TRIP12: variants seen among roughly 807,000 people sequenced by gnomAD.
TRIP12 encodes thyroid hormone receptor interactor 12, also known as E3 ubiquitin-protein ligase TRIP12.
A neutral mutation model predicts 244.2 loss-of-function variants in TRIP12; 25 were observed. That is an observed-to-expected ratio of 0.10 (90% CI 0.07 to 0.14). The LOEUF (loss-of-function observed/expected upper bound fraction) is 0.14, where lower values mean the gene tolerates loss of function less well. Ranked by LOEUF, TRIP12 falls within the 10% of genes least tolerant of loss-of-function variation. TRIP12 has a pLI of 1.00. For synonymous variants in TRIP12, 905 were observed against 873.1 expected (o/e 1.04, Z -0.64); for missense variants, 1,677 against 2,486.4 (o/e 0.67, Z 6.92).
chr2:229,860,410 T>C lies in TRIP12; in HGVS notation c.220A>G (p.Lys74Glu). Residue 74 changes from lysine (K) to glutamate (E), a missense_variant, in exon 3 of 42, where the codon AAA becomes GAA. Lys to Glu is a moderately conservative substitution (Grantham distance 56). Around this residue, in one of 11 missense-constraint regions of TRIP12, gnomAD observed 387 missense variants for 392.6 expected, o/e 0.99. Coordinates refer to ENST00000675903, the MANE Select transcript of TRIP12 (RefSeq NM_001348323.3). ...TSELSRGHLS[K>E]RSCSSSSAVI... ...ATAAGCAACATGAAGATTTACCTTT[T>C]AGAAAGGTGTCCCCTTGACAGTTCA... 2 of 1,592,714 alleles carry C rather than the reference T, an allele frequency of 1.3e-6. No homozygotes were observed. The highest frequency in any genetic ancestry group is 1.7e-6 in the Non-Finnish European group (2 of 1,170,896).
chr2:229,919,876 A>G lies in TRIP12; in HGVS notation c.-50+2004T>C, dbSNP rs184483946. Reference sequence around the variant, plus strand: ...CTCCCTCAATCTCACAAAGATAGTCACAGCAGTTCAACATTTCTGGGGCTG... The same window carrying G: ...CTCCCTCAATCTCACAAAGATAGTCGCAGCAGTTCAACATTTCTGGGGCTG... On this transcript the variant is annotated intron_variant, in intron 1 of 41. Coordinates refer to ENST00000675903, the MANE Select transcript of TRIP12 (RefSeq NM_001348323.3). Among the ~76,000 whole-genome samples the G allele has an allele frequency of 1.3e-3, 205 of 152,366 alleles. 2 individuals carry two copies. Among genetic ancestry groups the G allele is most frequent in the Admixed American group, 2.7e-3 (41 of 15,302 alleles).
intron 1 of TRIP12, among the ~76,000 whole-genome samples, chr2:229,891,728 C>T (rs1261003134): frequency 6.6e-5 from 10 of 152,212 alleles, no homozygotes; most frequent in African/African-American, 2.4e-5. Context: ...GGTATCATTA[C>T]GTATCATCTT....
intron 25 of TRIP12, 88 bp from the exon 26 acceptor site, chr2:229,795,418 A>C: frequency 7.0e-7 from 1 of 1,424,868 alleles, no homozygotes; most frequent in South Asian, 1.4e-5. Context: ...GCAGCTTTAT[A>C]AAAGAGAATA....
At chr2:229,828,920 C>A (rs1241089717) in intron 8 of TRIP12, among the ~76,000 whole-genome samples, 1 of 152,164 alleles carries the variant, frequency 6.6e-6, no homozygotes, top group Non-Finnish European at 1.5e-5. Context: ...AGATTCAAAT[C>A]TATGCAAAAC....
At chr2:229,886,620 C>T (rs1373173039) in intron 1 of TRIP12, among the ~76,000 whole-genome samples, 2 of 152,034 alleles carry the variant, frequency 1.3e-5, no homozygotes, top group Non-Finnish European at 2.9e-5. Flanking sequence ...TCGTGCAACA[C>T]CATGCATGGC....
At chr2:229,877,339 GGC>G (rs1241707450) in intron 2 of TRIP12, among the ~76,000 whole-genome samples, 1 of 151,874 alleles carries the variant, frequency 6.6e-6, no homozygotes, top group East Asian at 1.9e-4. Flanking sequence ...AGACCAGCCT[GGC>G]CAAGATGGTG....
At chr2:229,919,550 T>C (rs2076112924) in intron 1 of TRIP12, among the ~76,000 whole-genome samples, 1 of 152,170 alleles carries the variant, frequency 6.6e-6, no homozygotes, top group African/African-American at 2.4e-5. Context: ...ATGTAACTAC[T>C]TTAGTTTAGC....
chr2:229,901,410 C>T (rs1576928552), intron 1 of TRIP12, among the ~76,000 whole-genome samples: 1 of 151,136 alleles, frequency 6.6e-6, no homozygotes, highest in Non-Finnish European at 1.5e-5. Flanking sequence ...CACCTGAGGT[C>T]AGGAGCTCAA....
intron 18 of TRIP12, among the ~76,000 whole-genome samples, chr2:229,804,726 GC>G (rs1280069666): frequency 6.6e-6 from 1 of 152,120 alleles, no homozygotes; most frequent in Non-Finnish European, 1.5e-5. Flanking sequence ...CGGTCTGTAA[GC>G]CGAATCCAGT....
At chr2:229,902,939 T>G (rs1346570152) in intron 1 of TRIP12, among the ~76,000 whole-genome samples, 1 of 152,038 alleles carries the variant, frequency 6.6e-6, no homozygotes, top group Non-Finnish European at 1.5e-5. Context: ...TTAGAAGAAT[T>G]TAAAAGCCAA....
chr2:229,909,046 C>T (rs557290068), intron 1 of TRIP12, among the ~76,000 whole-genome samples: 2 of 147,272 alleles, frequency 1.4e-5, no homozygotes, highest in South Asian at 2.1e-4. Context: ...GCTGAGATCA[C>T]GCCACTGCAC....
intron 41 of TRIP12, among the ~76,000 whole-genome samples, chr2:229,768,088 T>C (rs960400852): frequency 2.0e-5 from 3 of 152,102 alleles, no homozygotes; most frequent in African/African-American, 2.4e-5. Context: ...AGAAACCCTA[T>C]CTCTACAAAA....
intron 2 of TRIP12, among the ~76,000 whole-genome samples, chr2:229,879,551 A>G (rs1416917232): frequency 6.6e-6 from 1 of 152,250 alleles, no homozygotes. Context: ...TATGCTGTCA[A>G]AAGGCATGAT....
intron 1 of TRIP12, among the ~76,000 whole-genome samples, chr2:229,901,613 ACTGT>A (rs71396618): frequency 0.36 from 36,383 of 100,840 alleles, 5,541 homozygotes; most frequent in Middle Eastern, 0.49. Flanking sequence ...ACAGAATGAG[ACTGT>A]CTGAAAAAAA....
rs779628581 is a variant in TRIP12 at position 229,840,911 on chromosome 2, C to T, written c.1044G>A (p.Thr348=). The part of the protein sequence containing the change: ...QAKLASLRKS[T]KKRSESPPAE... Reference sequence around the variant, plus strand: ...CAGGTGGAGACTCACTGCGTTTCTTCGTAGATTTTCTTAAACCTATCCACA... The same window carrying T: ...CAGGTGGAGACTCACTGCGTTTCTTTGTAGATTTTCTTAAACCTATCCACA... Residue 348 remains threonine (T), a synonymous_variant, in exon 5 of 42, where the codon ACG becomes ACA. Transcript: ENST00000675903. The T allele has an allele frequency of 1.1e-5, 17 of 1,603,776 alleles. No individual in the cohort carries two copies. In the African/African-American group the frequency reaches 1.2e-4, roughly 11 times the overall value.
At chr2:229,808,911 G>A (rs907379191) in intron 15 of TRIP12, among the ~76,000 whole-genome samples, 1 of 152,150 alleles carries the variant, frequency 6.6e-6, no homozygotes, top group Non-Finnish European at 1.5e-5. Context: ...ATTCCCAGAA[G>A]ACATCATTTT....
intron 5 of TRIP12, among the ~76,000 whole-genome samples, 163 bp downstream of exon 5, chr2:229,840,659 G>A (rs372617740): frequency 2.6e-5 from 4 of 152,034 alleles, no homozygotes; most frequent in South Asian, 4.1e-4. Flanking sequence ...CCAAGATCGC[G>A]CCACTGCACT....
intron 34 of TRIP12, among the ~76,000 whole-genome samples, chr2:229,779,975 G>A (rs2037566985): frequency 6.6e-6 from 1 of 152,210 alleles, no homozygotes; most frequent in Non-Finnish European, 1.5e-5. Flanking sequence ...AAGTCTAACT[G>A]TAACCCTGTC....
intron 6 of TRIP12, among the ~76,000 whole-genome samples, chr2:229,834,603 T>C (rs2054295048): frequency 6.6e-6 from 1 of 152,024 alleles, no homozygotes. Flanking sequence ...GTACTAAAAA[T>C]ACAAAAATTA....
Sources: gnomAD v4.1 joint callset for allele counts (sites outside exome capture counted in the v4.1 genomes callset) on GRCh38, gnomAD v4.1.1 for gene constraint, gnomAD v4.1.1 regional missense constraint, MANE v1.5 for transcripts, NCBI Gene and HGNC (gene_info 2026-07-23, HGNC 2026-07-21) for gene names.